Variants in XKR9 observed in about 807,000 individuals in gnomAD.
The protein encoded by XKR9 is XK-related protein 9.
XKR9 carries 32 observed loss-of-function variants against 32.0 expected under a neutral mutation model. The ratio of observed to expected loss-of-function variants is 1.00; its 90% CI spans 0.76 to 1.34. XKR9 has a LOEUF of 1.34. XKR9 is among the 40% of genes most tolerant of loss of function. The pLI is 0.00. For synonymous variants in XKR9, 168 were observed against 143.4 expected, an observed-to-expected ratio of 1.17 and a Z score of -1.22; for missense variants, 546 against 429.7, an observed-to-expected ratio of 1.27 and a Z score of -2.39.
intron 2 of XKR9, among the ~76,000 whole-genome samples, chr8:70,759,128 A>G (rs1436968131): frequency 6.6e-6 from 1 of 152,208 alleles, no homozygotes; most frequent in Non-Finnish European, 1.5e-5. Flanking sequence ...TTCAGAGTAA[A>G]AAGTCTTTCC....
chr8:70,920,018 C>T, the XKR9 span, among the ~76,000 whole-genome samples: 20 of 152,184 alleles, frequency 1.3e-4, no homozygotes, highest in Admixed American at 2.6e-4. Context: ...CTTTTTTGGA[C>T]GGTCTTGACG....
the XKR9 span, among the ~76,000 whole-genome samples, chr8:71,049,138 C>A: frequency 6.6e-6 from 1 of 152,146 alleles, no homozygotes; most frequent in Non-Finnish European, 1.5e-5. Flanking sequence ...ATTTTTAACA[C>A]TTGGCAATTC....
the XKR9 span, among the ~76,000 whole-genome samples, chr8:71,048,290 GTC>G: frequency 6.6e-6 from 1 of 152,052 alleles, no homozygotes; most frequent in Non-Finnish European, 1.5e-5. Context: ...TCAGCCGCTG[GTC>G]TCTCAGTCTG....
At chr8:71,035,575 C>T in the XKR9 span, among the ~76,000 whole-genome samples, 1 of 152,184 alleles carries the variant, frequency 6.6e-6, no homozygotes, top group Non-Finnish European at 1.5e-5. Flanking sequence ...AGCAGAGCCA[C>T]ATATCAGATA....
the XKR9 span, among the ~76,000 whole-genome samples, chr8:70,843,516 G>A: frequency 6.6e-6 from 1 of 152,086 alleles, no homozygotes; most frequent in Admixed American, 6.5e-5. Context: ...AATAGTAAGT[G>A]GATAATCCCA....
chr8:71,041,691 G>C, the XKR9 span, among the ~76,000 whole-genome samples: 2 of 152,084 alleles, frequency 1.3e-5, no homozygotes. Flanking sequence ...GCATTCTCAT[G>C]AGATCTGATG....
chr8:70,776,917 CTT>C (rs1807528153), intron 2 of XKR9, among the ~76,000 whole-genome samples: 60 of 95,066 alleles, frequency 6.3e-4, no homozygotes, highest in Non-Finnish European at 8.2e-4. Context: ...CAGGTTTTCT[CTT>C]TCTTTCTCTC....
chr8:70,916,861 GA>G, the XKR9 span, among the ~76,000 whole-genome samples: 7,841 of 150,494 alleles, frequency 0.052, 294 homozygotes, highest in Non-Finnish European at 0.086. Flanking sequence ...ATCTTTCTGT[GA>G]AAAAGCTTTT....
the XKR9 span, among the ~76,000 whole-genome samples, chr8:70,835,743 C>G: frequency 6.6e-6 from 1 of 152,002 alleles, no homozygotes; most frequent in Non-Finnish European, 1.5e-5. Context: ...ATGTAGTAGA[C>G]TACCTAAGGG....
chr8:70,815,894 T>C, the XKR9 span, among the ~76,000 whole-genome samples: 21 of 152,264 alleles, frequency 1.4e-4, no homozygotes, highest in African/African-American at 4.6e-4. Context: ...AGTCTATCAT[T>C]GATGGGCATT....
chr8:71,005,219 C>CT, the XKR9 span, among the ~76,000 whole-genome samples: 21 of 116,584 alleles, frequency 1.8e-4, no homozygotes, highest in African/African-American at 6.2e-4. Flanking sequence ...TTTTTCTTTT[C>CT]TTTTTCTTTT....
At chr8:70,973,803 T>A in the XKR9 span, among the ~76,000 whole-genome samples, 1 of 152,230 alleles carries the variant, frequency 6.6e-6, no homozygotes, top group Non-Finnish European at 1.5e-5. Context: ...TTTCCAATTT[T>A]ATTCCACTGT....
At chr8:71,010,343 A>G in the XKR9 span, among the ~76,000 whole-genome samples, 2 of 152,184 alleles carry the variant, frequency 1.3e-5, no homozygotes, top group African/African-American at 2.4e-5. Flanking sequence ...TGTATTGTTA[A>G]TGGTCCCATA....
chr8:70,811,292 T>G, the XKR9 span, among the ~76,000 whole-genome samples: 6 of 152,048 alleles, frequency 3.9e-5, no homozygotes, highest in African/African-American at 7.3e-5. Context: ...TTCAAAGCAG[T>G]GTGTAGAGGG....
At chr8:70,673,788 A>G (rs1349183158) in intron 1 of XKR9, among the ~76,000 whole-genome samples, 1 of 151,806 alleles carries the variant, frequency 6.6e-6, no homozygotes, top group East Asian at 1.9e-4. Context: ...ATACAAAATT[A>G]AGTCTTTGTG....
chr8:70,959,602 AT>A, the XKR9 span, among the ~76,000 whole-genome samples: 1 of 152,206 alleles, frequency 6.6e-6, no homozygotes, highest in East Asian at 1.9e-4. Flanking sequence ...TTGCTGACTT[AT>A]GCATTTTAGC....
intron 4 of XKR9, among the ~76,000 whole-genome samples, chr8:70,727,970 A>G (rs1207996639): frequency 6.6e-6 from 1 of 152,184 alleles, no homozygotes; most frequent in Non-Finnish European, 1.5e-5. Flanking sequence ...TTTCAGCTGC[A>G]TGACTCCTAA....
At chr8:71,050,315 A>T in the XKR9 span, among the ~76,000 whole-genome samples, 1 of 145,732 alleles carries the variant, frequency 6.9e-6, no homozygotes, top group Non-Finnish European at 1.5e-5. Flanking sequence ...ATATAGATAT[A>T]GATATAGATA....
chr8:70,862,113 A>C, the XKR9 span, among the ~76,000 whole-genome samples: 3 of 152,202 alleles, frequency 2.0e-5, no homozygotes, highest in South Asian at 6.2e-4. Context: ...GCTGAGAAGC[A>C]GTCATGGATG....
Sources: allele counts gnomAD v4.1 joint callset (sites outside exome capture counted in the v4.1 genomes callset), GRCh38; gene constraint gnomAD v4.1.1; transcripts MANE v1.5; gene names NCBI Gene and HGNC (gene_info 2026-07-23, HGNC 2026-07-21).